IKZF2: variants seen among roughly 807,000 people sequenced by gnomAD.
The protein encoded by IKZF2 is zinc finger protein Helios.
IKZF2 carries 15 observed loss-of-function variants against 49.2 expected under a neutral mutation model. That is an observed-to-expected ratio of 0.30 (90% CI 0.20 to 0.47). IKZF2 has a LOEUF of 0.47. Ranked by LOEUF, IKZF2 falls within the 20% of genes least tolerant of loss-of-function variation. The pLI is 1.00. For synonymous variants in IKZF2, 227 were observed against 221.4 expected (o/e 1.03, Z -0.23); for missense variants, 567 against 664.6 (o/e 0.85, Z 1.61).
chr2:213,090,666 G>A (rs1705205992), intron 4 of IKZF2, among the ~76,000 whole-genome samples: 2 of 152,168 alleles, frequency 1.3e-5, no homozygotes, highest in African/African-American at 4.8e-5. Context: ...AATCTATTGT[G>A]ACTGGTGTCC....
At chr2:213,059,401 C>T (rs1381554246) in intron 4 of IKZF2, among the ~76,000 whole-genome samples, 1 of 151,586 alleles carries the variant, frequency 6.6e-6, no homozygotes, top group African/African-American at 2.4e-5. Context: ...TATCTTGCAT[C>T]AACAGGTTTT....
At chr2:213,046,925 A>G (rs191226153) in intron 6 of IKZF2, among the ~76,000 whole-genome samples, 2 of 152,194 alleles carry the variant, frequency 1.3e-5, no homozygotes. Context: ...ATTCAATTAC[A>G]TGGACTTCCT....
chr2:213,149,750 T>G (rs1405571909), intron 2 of IKZF2, among the ~76,000 whole-genome samples: 1 of 128,568 alleles, frequency 7.8e-6, no homozygotes. Context: ...CTCCCTCCCC[T>G]CCCCTTCTTC....
At chr2:213,146,599 G>C (rs1235019260) in intron 4 of IKZF2, among the ~76,000 whole-genome samples, 1 of 151,854 alleles carries the variant, frequency 6.6e-6, no homozygotes, top group Non-Finnish European at 1.5e-5. Flanking sequence ...AATTTCAGTA[G>C]TATTTACTAA....
chr2:213,144,732 C>A (rs1184326079), intron 4 of IKZF2, among the ~76,000 whole-genome samples: 1 of 151,906 alleles, frequency 6.6e-6, no homozygotes, highest in Non-Finnish European at 1.5e-5. Context: ...TCTCAGGCAA[C>A]AATGTCCATC....
intron 4 of IKZF2, among the ~76,000 whole-genome samples, chr2:213,076,698 G>T (rs1703300058): frequency 6.6e-6 from 1 of 152,056 alleles, no homozygotes; most frequent in Admixed American, 6.5e-5. Flanking sequence ...GATAAATTAT[G>T]ATATTTTAAT....
chr2:213,112,776 A>AGGCAACCAAG (rs1188492425), intron 4 of IKZF2, among the ~76,000 whole-genome samples: 93 of 152,350 alleles, frequency 6.1e-4, no homozygotes, highest in African/African-American at 2.2e-3. Flanking sequence ...TTCTGGAACT[A>AGGCAACCAAG]GGCAACCAAG....
At position 213,007,316 on chromosome 2, in the gene IKZF2, T is replaced by C; in HGVS notation, c.*44A>G. On this transcript the variant is annotated 3_prime_UTR_variant, in exon 9 of 9. Transcript: ENST00000434687. ...ATTGTAAGTGCAGTATTTCTTCATG[T>C]GCAGTTCTTTACTTCATAGGGGTCC... The C allele has an allele frequency of 6.3e-7, 1 of 1,575,694 alleles. No individual in the cohort carries two copies. The highest frequency in any genetic ancestry group is 2.2e-5 in the East Asian group (1 of 44,510).
Position 213,003,043 on chromosome 2 carries a change from T to C in IKZF2, c.*4317A>G, listed in dbSNP as rs2124955910. ...TTCCTTTTCCTTTTAACAGCTGAGC[T>C]GAAAATTTCTCTATTAGAAATTGCT... is the stretch of plus-strand genomic sequence containing the variant. On this transcript the variant is annotated 3_prime_UTR_variant, in exon 9 of 9. Coordinates refer to ENST00000434687, the MANE Select transcript of IKZF2 (RefSeq NM_001387220.1). 1 of 152,170 alleles carries C rather than the reference T, an allele frequency of 6.6e-6. No homozygotes were observed. The highest frequency in any genetic ancestry group is 2.1e-4 in the South Asian group (1 of 4,828). The allele number at this position is 152,170 out of a possible 1,614,324, so 9.4% of individuals were successfully genotyped here.
At chr2:213,121,399 G>C (rs1411629332) in intron 4 of IKZF2, among the ~76,000 whole-genome samples, 3 of 152,134 alleles carry the variant, frequency 2.0e-5, no homozygotes, top group African/African-American at 7.2e-5. Context: ...ATGGAGATAT[G>C]GCTTCCTATC....
In IKZF2 at chr2:213,136,336, A is replaced by T. The variant is rs575139638; in HGVS notation, c.139+11372T>A. 1.6e-4 allele frequency among the ~76,000 whole-genome samples: 22 copies of T among 138,308 alleles called. No individual in the cohort carries two copies. The South Asian group carries it at 5.0e-3, about 32-fold the overall frequency. The allele number at this position is 138,308 out of a possible 152,430, so 90.7% of individuals were successfully genotyped here. A position where few individuals can be genotyped will look rare whatever the true frequency, so the allele number is the denominator to read the frequency against. The stretch of plus-strand genomic sequence containing the variant: ...CAGTGAGCCAAGATCGCGCCACTGC[A>T]CTCCAGCCTGGGTGACAGAGCGGGA... On this transcript the variant is annotated intron_variant, in intron 4 of 8. Coordinates refer to ENST00000434687, the MANE Select transcript of IKZF2 (RefSeq NM_001387220.1).
intron 4 of IKZF2, among the ~76,000 whole-genome samples, chr2:213,094,002 T>C (rs1189484731): frequency 6.6e-6 from 1 of 152,118 alleles, no homozygotes; most frequent in Admixed American, 6.6e-5. Flanking sequence ...AGAGGAAATG[T>C]TTGATTTGAA....
rs2061254635 is a variant in IKZF2, at chr2:213,150,705, G to GA, written c.-119-459_-119-458insT. On this transcript the variant is annotated intron_variant, in intron 1 of 8. Coordinates refer to ENST00000434687, the MANE Select transcript of IKZF2 (RefSeq NM_001387220.1). ...AAGACAAGAAAACTGAAAGAAAAGG[G>GA]GGGGGGGGCGGGTAGAGGGGAGGGA... Among the ~76,000 whole-genome samples, 6 of 138,538 alleles carry GA rather than the reference G, an allele frequency of 4.3e-5. No individual in the cohort carries two copies. In the South Asian group the frequency reaches 1.6e-3, roughly 36 times the overall value. 90.9% of individuals were successfully genotyped at this position (138,538 alleles called of 152,430 possible). A position where few individuals can be genotyped will look rare whatever the true frequency, so the allele number is the denominator to read the frequency against.
At chr2:213,084,349 T>C (rs6733869) in intron 4 of IKZF2, among the ~76,000 whole-genome samples, 44,324 of 152,048 alleles carry the variant, frequency 0.29, 8,060 homozygotes, top group Non-Finnish European at 0.42. Flanking sequence ...GTACCTAACA[T>C]ATAGGGATAC....
At chr2:213,026,899 T>C (rs1697877909) in intron 6 of IKZF2, among the ~76,000 whole-genome samples, 1 of 152,178 alleles carries the variant, frequency 6.6e-6, no homozygotes, top group Admixed American at 6.6e-5. Flanking sequence ...TTATTCAGTT[T>C]GCTCAGCATT....
At chr2:213,052,140 A>G (rs1700730810) in intron 5 of IKZF2, among the ~76,000 whole-genome samples, 1 of 152,048 alleles carries the variant, frequency 6.6e-6, no homozygotes. Context: ...AAAATACTCT[A>G]GATATCTTCA....
chr2:213,123,999 C>T (rs1390950099), intron 4 of IKZF2, among the ~76,000 whole-genome samples: 1 of 151,422 alleles, frequency 6.6e-6, no homozygotes, highest in East Asian at 1.9e-4. Flanking sequence ...TAAGGAAGAA[C>T]TTTCTAAGAA....
intron 4 of IKZF2, among the ~76,000 whole-genome samples, chr2:213,143,291 A>T (rs2060935384): frequency 6.6e-6 from 1 of 151,996 alleles, no homozygotes; most frequent in South Asian, 2.1e-4. Context: ...GAACAAAGAT[A>T]GAGATGATAA....
intron 6 of IKZF2, among the ~76,000 whole-genome samples, chr2:213,024,408 C>G (rs1008067579): frequency 1.3e-5 from 2 of 152,068 alleles, no homozygotes; most frequent in African/African-American, 2.4e-5. Flanking sequence ...GGTGCCTATC[C>G]GTATGCAACT....
Sources: gnomAD v4.1 joint callset for allele counts (sites outside exome capture counted in the v4.1 genomes callset) on GRCh38, gnomAD v4.1.1 for gene constraint, MANE v1.5 for transcripts, NCBI Gene and HGNC (gene_info 2026-07-23, HGNC 2026-07-21) for gene names.